PCLO: variants seen among roughly 807,000 people sequenced by gnomAD.
PCLO encodes the protein piccolo presynaptic cytomatrix protein.
In PCLO, 82 loss-of-function variants were observed where a neutral mutation model predicts 427.5. That is an observed-to-expected ratio of 0.19 (90% CI 0.16 to 0.23). The LOEUF (loss-of-function observed/expected upper bound fraction) is 0.23. Ranked by LOEUF, PCLO falls within the 10% of genes least tolerant of loss-of-function variation. The probability of loss-of-function intolerance (pLI) is 1.00; values close to 1 mark genes in which losing one functional copy is unlikely to be tolerated. For synonymous variants in PCLO, 2,357 were observed against 2,155.4 expected (o/e 1.09, Z -2.59); for missense variants, 6,239 against 6,115.9 (o/e 1.02, Z -0.67).
chr7:82,871,933 T>C (rs1793248122), intron 10 of PCLO, among the ~76,000 whole-genome samples: 1 of 151,984 alleles, frequency 6.6e-6, no homozygotes, highest in Admixed American at 6.6e-5. Context: ...ATATGAACTT[T>C]CTACTTTGGA....
At chr7:82,941,493 A>C (rs1795085282) in intron 6 of PCLO, among the ~76,000 whole-genome samples, 1 of 152,192 alleles carries the variant, frequency 6.6e-6, no homozygotes. Flanking sequence ...ACAGGTGTGC[A>C]AAGGACACTG....
At chr7:82,964,735 A>C (rs2115647997) in intron 4 of PCLO, among the ~76,000 whole-genome samples, 1 of 152,276 alleles carries the variant, frequency 6.6e-6, no homozygotes, top group South Asian at 2.1e-4. Flanking sequence ...GGCTAGATTC[A>C]GTCATTAGAA....
Position 82,822,586 on chromosome 7 carries a change from G to C in PCLO, c.14700C>G (p.Ser4900Arg), listed in dbSNP as rs1459892760. 2 of 1,613,850 alleles carry C rather than the reference G, an allele frequency of 1.2e-6. No individual in the cohort carries two copies. Among genetic ancestry groups the C allele is most frequent in the African/African-American group, 2.7e-5 (2 of 75,032 alleles). The change falls in exon 20 of 25, where the codon AGC becomes AGG. Residue 4900 changes from serine (S) to arginine (R), a missense_variant. Physicochemically the swap from Ser to Arg is moderately radical, Grantham distance 110. Around this residue, in one of 5 missense-constraint regions of PCLO, gnomAD observed 877 missense variants for 925.5 expected, o/e 0.95. Coordinates refer to ENST00000333891, the MANE Select transcript of PCLO (RefSeq NM_033026.6). ...GGTGGGTCTGAGTGACGCTGGTTTT[G>C]CTTTGACTGCGAGATGGTCCATGAG... ...LRSHGPSRSQSKTSVTQTHLE... is the reference protein window; with the variant it reads ...LRSHGPSRSQRKTSVTQTHLE...
At chr7:83,066,052 T>G (rs1282520663) in intron 3 of PCLO, among the ~76,000 whole-genome samples, 1 of 152,132 alleles carries the variant, frequency 6.6e-6, no homozygotes, top group African/African-American at 2.4e-5. Flanking sequence ...GCACTTACAT[T>G]TTCTTCTGAA....
chr7:83,133,189 A>G (rs891949614), intron 3 of PCLO, among the ~76,000 whole-genome samples: 1 of 152,072 alleles, frequency 6.6e-6, no homozygotes, highest in South Asian at 2.1e-4. Flanking sequence ...TAACTCAAGA[A>G]CACCACCAAA....
At chr7:82,787,966 T>C (rs1018513784) in intron 22 of PCLO, among the ~76,000 whole-genome samples, 1 of 151,980 alleles carries the variant, frequency 6.6e-6, no homozygotes, top group Non-Finnish European at 1.5e-5. Context: ...TTCCTGTTCA[T>C]TTGGCCTCTT....
rs1480373257 is a variant in PCLO at position 82,899,254 on chromosome 7, G to A, written c.13528+3397C>T. On this transcript the variant is annotated intron_variant, in intron 9 of 24. Transcript: ENST00000333891. ...AATCCTTAATATTACCAAATATTTA[G>A]TCAATCAAAGTAGGATTTTTATTGA... Among the ~76,000 whole-genome samples the A allele has an allele frequency of 1.7e-4, 25 of 151,246 alleles. 1 individual carries two copies. Among genetic ancestry groups the A allele is most frequent in the Admixed American group, 1.7e-3 (25 of 15,138 alleles).
intron 17 of PCLO, 133 bp from the exon 18 acceptor site, chr7:82,826,793 G>A (rs10229741): frequency 0.013 from 5,749 of 450,080 alleles, 264 homozygotes; most frequent in African/African-American, 0.098. Flanking sequence ...AAATTTTACC[G>A]AAAACTATGT....
chr7:83,063,334 T>G (rs1209474465), intron 3 of PCLO, among the ~76,000 whole-genome samples: 1 of 152,124 alleles, frequency 6.6e-6, no homozygotes, highest in Non-Finnish European at 1.5e-5. Flanking sequence ...AAATCTGCTC[T>G]TTTGTTAATT....
chr7:82,811,359 C>T (rs1583999555), intron 20 of PCLO, among the ~76,000 whole-genome samples: 1 of 151,540 alleles, frequency 6.6e-6, no homozygotes, highest in South Asian at 2.1e-4. Flanking sequence ...GTCCATCCCT[C>T]TTTCCTTTCC....
intron 9 of PCLO, among the ~76,000 whole-genome samples, chr7:82,893,184 CA>C (rs1244563602): frequency 4.6e-5 from 7 of 151,966 alleles, no homozygotes; most frequent in Non-Finnish European, 1.0e-4. Context: ...AAATGTCCAA[CA>C]ATGATAGACT....
rs138065181 is a variant in PCLO, at chr7:83,153,668, G to A, written c.1893+1080C>T. On this transcript the variant is annotated intron_variant, in intron 2 of 24. Transcript: ENST00000333891. The stretch of plus-strand genomic sequence containing the variant: ...TTTCTGTGCCTTCTCATTAAGTAGA[G>A]GCTATTAGATCTCTTACAAAAATGA... Among the ~76,000 whole-genome samples the A allele has an allele frequency of 4.0e-3, 612 of 152,206 alleles. 5 individuals are homozygous for A. The highest frequency in any genetic ancestry group is 0.014 in the African/African-American group (583 of 41,536).
intron 3 of PCLO, among the ~76,000 whole-genome samples, chr7:82,967,540 T>C (rs1795807330): frequency 1.3e-5 from 2 of 152,134 alleles, no homozygotes; most frequent in South Asian, 2.1e-4. Context: ...AATCAACTAA[T>C]AGGGTCTTTA....
intron 3 of PCLO, among the ~76,000 whole-genome samples, chr7:83,090,078 A>G (rs901473080): frequency 2.6e-5 from 4 of 152,048 alleles, no homozygotes; most frequent in Non-Finnish European, 5.9e-5. Context: ...GCCGAGGTGG[A>G]CGGATCACGA....
At chr7:83,136,662 T>C (rs973046222) in intron 2 of PCLO, among the ~76,000 whole-genome samples, 1 of 152,106 alleles carries the variant, frequency 6.6e-6, no homozygotes, top group Admixed American at 6.6e-5. Context: ...GAAAACATGG[T>C]TTCCTTAGAA....
At chr7:83,094,740 T>C (rs2116456257) in intron 3 of PCLO, among the ~76,000 whole-genome samples, 1 of 152,340 alleles carries the variant, frequency 6.6e-6, no homozygotes, top group South Asian at 2.1e-4. Flanking sequence ...TTCATTTTTC[T>C]GGGGTAAGTG....
chr7:83,008,267 T>C (rs1787996840), intron 3 of PCLO, among the ~76,000 whole-genome samples: 1 of 151,736 alleles, frequency 6.6e-6, no homozygotes, highest in African/African-American at 2.4e-5. Flanking sequence ...CTAAATATCT[T>C]CTTTTAAGGT....
rs182878395 is a variant in PCLO, at chr7:82,951,120, T to C, written c.9468A>G (p.Val3156=). The stretch of plus-strand genomic sequence containing the variant: ...AACTGGCACTGATATCAATACCAGT[T>C]ACTGCAATGTCCGTTTCAGATGCAC... ...TTGASETDIA[V]TGIDISASLQ... The change falls in exon 6 of 25, where the codon GTA becomes GTG. Residue 3156 remains valine, a synonymous_variant. Transcript: ENST00000333891. The C allele has an allele frequency of 1.5e-4, 250 of 1,613,762 alleles. No homozygotes were observed. The highest frequency in any genetic ancestry group is 2.0e-4 in the Non-Finnish European group (232 of 1,179,750).
At chr7:82,887,014 A>G (rs1180579879) in intron 9 of PCLO, among the ~76,000 whole-genome samples, 4 of 152,078 alleles carry the variant, frequency 2.6e-5, no homozygotes, top group Non-Finnish European at 5.9e-5. Context: ...ATTTTTCTCA[A>G]TCTCTTCAGT....
Sources: gnomAD v4.1 joint callset for allele counts (sites outside exome capture counted in the v4.1 genomes callset) on GRCh38, gnomAD v4.1.1 for gene constraint, gnomAD v4.1.1 regional missense constraint, MANE v1.5 for transcripts, NCBI Gene and HGNC (gene_info 2026-07-23, HGNC 2026-07-21) for gene names.